Variants in DENND2B observed in about 807,000 individuals in gnomAD.
The protein encoded by DENND2B is DENN domain-containing protein 2B.
DENND2B carries 32 observed loss-of-function variants against 116.0 expected under a neutral mutation model. That is an observed-to-expected ratio of 0.28 (90% CI 0.21 to 0.37). DENND2B has a LOEUF of 0.37. Among genes scored for constraint, DENND2B ranks in the 10% least tolerant of loss-of-function variants. DENND2B has a pLI of 1.00. For synonymous variants in DENND2B, 588 were observed against 583.9 expected, an observed-to-expected ratio of 1.01 and a Z score of -0.10; for missense variants, 1,276 against 1,477.7, an observed-to-expected ratio of 0.86 and a Z score of 2.24.
intron 4 of DENND2B, among the ~76,000 whole-genome samples, chr11:8,825,234 G>T (rs2061932808): frequency 6.6e-6 from 1 of 152,038 alleles, no homozygotes; most frequent in African/African-American, 2.4e-5. Flanking sequence ...GTGTGAGATG[G>T]TATCTCATTG....
chr11:8,853,389 A>G (rs189870959), intron 3 of DENND2B, among the ~76,000 whole-genome samples: 69 of 152,230 alleles, frequency 4.5e-4, no homozygotes, highest in African/African-American at 1.0e-3. Context: ...AAAAGAAAAG[A>G]AAGACGCTTG....
chr11:8,804,734 AGG>A (rs1024854937), intron 1 of DENND2B, among the ~76,000 whole-genome samples: 21 of 151,882 alleles, frequency 1.4e-4, no homozygotes, highest in Non-Finnish European at 2.8e-4. Flanking sequence ...TAGTAGAGAC[AGG>A]GTTTTACCAT....
At chr11:8,781,936 T>C (rs1459057555) in intron 1 of DENND2B, among the ~76,000 whole-genome samples, 1 of 152,180 alleles carries the variant, frequency 6.6e-6, no homozygotes, top group African/African-American at 2.4e-5. Flanking sequence ...CTCCAAGTGT[T>C]AGCAAAAATA....
In DENND2B at chr11:8,712,787, C is replaced by G; in HGVS notation, c.1988-52G>C. ...TGGACCCTCACAGGCCTCATGTTAACTCCTCTACCCCTGGCTCAGGGCTCC... is the reference window on the plus strand; with the variant it reads ...TGGACCCTCACAGGCCTCATGTTAAGTCCTCTACCCCTGGCTCAGGGCTCC... On this transcript the variant is annotated intron_variant, in intron 8 of 19. Coordinates refer to ENST00000313726, the MANE Select transcript of DENND2B (RefSeq NM_213618.2). This position sits in a 1 kb window ranked among gnomAD's most constrained non-coding sequence, Gnocchi z 4.4. 1 of 1,546,802 alleles carries G rather than the reference C, an allele frequency of 6.5e-7. No homozygotes were observed. The highest frequency in any genetic ancestry group is 1.2e-5 in the South Asian group (1 of 82,074).
At chr11:8,786,394 T>C (rs1251146792) in intron 1 of DENND2B, among the ~76,000 whole-genome samples, 1 of 152,248 alleles carries the variant, frequency 6.6e-6, no homozygotes, top group African/African-American at 2.4e-5. Context: ...TCATTCAATA[T>C]TGCCTTACAT....
chr11:8,849,319 C>G (rs370453188), intron 3 of DENND2B, among the ~76,000 whole-genome samples: 93 of 151,160 alleles, frequency 6.2e-4, no homozygotes, highest in African/African-American at 2.1e-3. Context: ...GTGGTGAAAC[C>G]CCGTCTCTAC....
At chr11:8,750,164 C>T (rs1179258026) in intron 2 of DENND2B, among the ~76,000 whole-genome samples, 1 of 152,334 alleles carries the variant, frequency 6.6e-6, no homozygotes, top group East Asian at 1.9e-4. Flanking sequence ...TGGATTTGAA[C>T]CAAATCCATG....
In DENND2B at chr11:8,776,185, C is replaced by CACACA. The variant is rs772460904; in HGVS notation, c.-25-25461_-25-25460insTGTGT. The CACACA allele has an allele frequency of 3.3e-3, 1,502 of 451,744 alleles. 9 individuals are homozygous for CACACA. Among genetic ancestry groups the CACACA allele is most frequent in the Non-Finnish European group, 4.9e-3 (1,102 of 224,296 alleles). The allele number at this position is 451,744 out of a possible 1,614,324, so 28.0% of individuals were successfully genotyped here. On this transcript the variant is annotated intron_variant, in intron 1 of 19. Transcript: ENST00000313726. Reference sequence around the variant, plus strand: ...GCACACACACACACACACACACACACACCTACCTCTCTCCAGGCAGGACAC... The same window carrying CACACA: ...GCACACACACACACACACACACACACACACAACCTACCTCTCTCCAGGCAGGACAC...
chr11:8,746,883 C>T (rs968912645), intron 2 of DENND2B, among the ~76,000 whole-genome samples: 1 of 152,122 alleles, frequency 6.6e-6, no homozygotes, highest in Non-Finnish European at 1.5e-5. Flanking sequence ...GTACCTCTTC[C>T]TACTAGTTTT....
chr11:8,716,656 T>C (rs2044866909), intron 5 of DENND2B, among the ~76,000 whole-genome samples: 1 of 152,054 alleles, frequency 6.6e-6, no homozygotes, highest in Non-Finnish European at 1.5e-5. Flanking sequence ...AAATCTTTTT[T>C]TTTTTTTTTG....
intron 1 of DENND2B, among the ~76,000 whole-genome samples, chr11:8,805,415 G>A (rs994394701): frequency 6.6e-6 from 1 of 152,108 alleles, no homozygotes; most frequent in Non-Finnish European, 1.5e-5. Flanking sequence ...TCAGTTCCTC[G>A]AACAAAACTA....
At chr11:8,732,799 A>T (rs2048338952) in intron 2 of DENND2B, among the ~76,000 whole-genome samples, 1 of 152,222 alleles carries the variant, frequency 6.6e-6, no homozygotes, top group South Asian at 2.1e-4. Context: ...ACTGCACAGC[A>T]CAAGGCCTAC....
chr11:8,908,940 C>T (rs985147212), intron 1 of DENND2B, among the ~76,000 whole-genome samples: 1 of 152,092 alleles, frequency 6.6e-6, no homozygotes, highest in African/African-American at 2.4e-5. Context: ...AAGCATTTTA[C>T]AGGAATTATC....
rs760819228 is a variant in DENND2B, at chr11:8,776,152, G to GCA, written c.-25-25428_-25-25427insTG. 1.2e-4 allele frequency: 34 copies of GCA among 274,084 alleles called. 1 individual carries two copies. The highest frequency in any genetic ancestry group is 4.6e-4 in the South Asian group (22 of 47,990). The allele number at this position is 274,084 out of a possible 1,614,324, so 17.0% of individuals were successfully genotyped here. A position where few individuals can be genotyped will look rare whatever the true frequency, so the allele number is the denominator to read the frequency against. ...CACAGACACGCACGTGCGCGCACGC[G>GCA]CGCGCGCGCACACACACACACACAC... On this transcript the variant is annotated intron_variant, in intron 1 of 19. Coordinates refer to ENST00000313726, the MANE Select transcript of DENND2B (RefSeq NM_213618.2).
chr11:8,864,381 T>C lies in DENND2B; in HGVS notation c.-250+6573A>G, dbSNP rs562801111. ...CTCCCAGGATCAAGCAATCCTCCCA[T>C]CTCAGCCCACCGTTTAGCTGGGACC... is the stretch of plus-strand genomic sequence containing the variant. On this transcript the variant is annotated intron_variant, in intron 2 of 6. Coordinates refer to the DENND2B transcript ENST00000524757. Among the ~76,000 whole-genome samples the C allele has an allele frequency of 4.6e-5, 7 of 152,114 alleles. No individual in the cohort carries two copies. The East Asian group carries it at 1.4e-3, about 29-fold the overall frequency.
intron 1 of DENND2B, among the ~76,000 whole-genome samples, chr11:8,766,090 C>T (rs1056969179): frequency 6.6e-6 from 1 of 151,490 alleles, no homozygotes; most frequent in African/African-American, 2.4e-5. Context: ...GCTATGGACA[C>T]TGTAAAAAAA....
At chr11:8,756,948 A>G (rs2053714051) in intron 1 of DENND2B, 5 of 449,936 alleles carry the variant, frequency 1.1e-5, no homozygotes, top group South Asian at 7.9e-5. Flanking sequence ...CAATTAGCAT[A>G]TACCATCCAT....
chr11:8,751,120 T>G (rs2052370307), intron 1 of DENND2B, among the ~76,000 whole-genome samples: 1 of 151,896 alleles, frequency 6.6e-6, no homozygotes, highest in Admixed American at 6.6e-5. Flanking sequence ...CAATCAGCAC[T>G]CTGCATCTAG....
chr11:8,855,169 A>AAAAAG (rs1416958501), intron 3 of DENND2B, among the ~76,000 whole-genome samples: 1 of 95,780 alleles, frequency 1.0e-5, no homozygotes, highest in Non-Finnish European at 2.7e-5. Flanking sequence ...AAAGAAAAGA[A>AAAAAG]AAAAGAAAAG....
Sources: gnomAD v4.1 joint callset for allele counts (sites outside exome capture counted in the v4.1 genomes callset) on GRCh38, gnomAD v4.1.1 for gene constraint, Gnocchi (gnomAD v3.1) non-coding constraint, MANE v1.5 for transcripts, NCBI Gene and HGNC (gene_info 2026-07-23, HGNC 2026-07-21) for gene names.